Variants in CSMD1 observed in about 807,000 individuals in gnomAD.
CSMD1 encodes the protein CUB and sushi domain-containing protein 1.
Under a neutral mutation model 417.5 loss-of-function variants are expected in CSMD1, and 213 were observed. That is an observed-to-expected ratio of 0.51 (90% confidence interval 0.46 to 0.57). The LOEUF (loss-of-function observed/expected upper bound fraction) is 0.57. CSMD1 is among the 20% of genes least tolerant of loss of function. The pLI, the probability that CSMD1 is intolerant of heterozygous loss-of-function variation, is 0.00. For missense variants in CSMD1, 6,923 were observed against 4,529.7 expected (o/e 1.53, Z -15.17); for synonymous variants, 2,862 against 1,736.8 (o/e 1.65, Z -16.11).
intron 3 of CSMD1, among the ~76,000 whole-genome samples, chr8:4,046,040 G>A (rs1375950517): frequency 6.6e-6 from 1 of 152,040 alleles, no homozygotes; most frequent in Non-Finnish European, 1.5e-5. Flanking sequence ...TAGGACTCAT[G>A]CAGATTAGAT....
At chr8:3,980,141 T>G (rs1307276775) in intron 5 of CSMD1, among the ~76,000 whole-genome samples, 1 of 152,232 alleles carries the variant, frequency 6.6e-6, no homozygotes, top group Non-Finnish European at 1.5e-5. Flanking sequence ...TATAGTGCTG[T>G]ACGGTTTATA....
chr8:4,339,980 C>T (rs538224198), intron 3 of CSMD1, among the ~76,000 whole-genome samples: 17 of 152,148 alleles, frequency 1.1e-4, no homozygotes, highest in South Asian at 6.2e-4. Flanking sequence ...GCGGTGATAG[C>T]AACACTGCAG....
At chr8:4,877,798 C>G (rs763893253) in intron 1 of CSMD1, among the ~76,000 whole-genome samples, 24 of 152,100 alleles carry the variant, frequency 1.6e-4, no homozygotes, top group Non-Finnish European at 1.2e-4. Context: ...GATTTGGTGA[C>G]TCAAATCTTT....
intron 5 of CSMD1, among the ~76,000 whole-genome samples, chr8:3,830,243 A>G (rs1229714920): frequency 6.6e-6 from 1 of 152,210 alleles, no homozygotes; most frequent in African/African-American, 2.4e-5. Context: ...GTGATCATAC[A>G]TGATAGAGCA....
intron 5 of CSMD1, among the ~76,000 whole-genome samples, chr8:3,983,323 G>C (rs564041776): frequency 1.3e-5 from 2 of 151,840 alleles, no homozygotes; most frequent in South Asian, 4.2e-4. Context: ...GTAGAGATGG[G>C]GTTTCACCGT....
At chr8:3,505,464 G>T (rs989066647) in intron 10 of CSMD1, among the ~76,000 whole-genome samples, 3 of 152,178 alleles carry the variant, frequency 2.0e-5, no homozygotes, top group African/African-American at 4.8e-5. Context: ...TTTCACGACT[G>T]ATTAAAGAGT....
chr8:3,137,748 T>C (rs546911189), intron 41 of CSMD1, among the ~76,000 whole-genome samples: 12 of 152,092 alleles, frequency 7.9e-5, no homozygotes, highest in African/African-American at 2.9e-4. Flanking sequence ...AGAAAAAGAG[T>C]CTGTGCATGT....
At chr8:4,006,336 C>T (rs775902390) in intron 4 of CSMD1, among the ~76,000 whole-genome samples, 4 of 152,104 alleles carry the variant, frequency 2.6e-5, no homozygotes, top group Non-Finnish European at 4.4e-5. Context: ...CTGAGGTCAG[C>T]AGTTTGAGGC....
chr8:3,707,510 A>G (rs1801238885), intron 7 of CSMD1, among the ~76,000 whole-genome samples: 1 of 152,234 alleles, frequency 6.6e-6, no homozygotes, highest in African/African-American at 2.4e-5. Context: ...CGTGAGCAGA[A>G]AACGGCCCCT....
At chr8:4,561,694 A>AG (rs1417829437) in intron 2 of CSMD1, among the ~76,000 whole-genome samples, 2 of 152,224 alleles carry the variant, frequency 1.3e-5, no homozygotes, top group East Asian at 3.9e-4. Flanking sequence ...GAAGAAAAAA[A>AG]GAGAGACAGA....
At chr8:4,006,045 A>T (rs1816083297) in intron 4 of CSMD1, among the ~76,000 whole-genome samples, 1 of 152,198 alleles carries the variant, frequency 6.6e-6, no homozygotes, top group African/African-American at 2.4e-5. Context: ...GAAAAAAAGG[A>T]ACTATTCAAG....
intron 5 of CSMD1, among the ~76,000 whole-genome samples, chr8:3,875,576 A>G (rs917737387): frequency 2.6e-5 from 4 of 152,148 alleles, no homozygotes; most frequent in African/African-American, 9.7e-5. Flanking sequence ...GGAATGTTTT[A>G]TTGGAGAGGA....
At chr8:4,361,543 A>T (rs937850507) in intron 3 of CSMD1, among the ~76,000 whole-genome samples, 1 of 152,184 alleles carries the variant, frequency 6.6e-6, no homozygotes, top group African/African-American at 2.4e-5. Flanking sequence ...CGGTCCTACA[A>T]AGTTAAAAAG....
chr8:4,429,922 G>T (rs889923068), intron 2 of CSMD1, among the ~76,000 whole-genome samples: 14 of 152,022 alleles, frequency 9.2e-5, no homozygotes, highest in African/African-American at 3.4e-4. Flanking sequence ...TTCAATCAGT[G>T]GTCACCCATC....
At chr8:3,978,907 G>A (rs1251616019) in intron 5 of CSMD1, among the ~76,000 whole-genome samples, 2 of 152,176 alleles carry the variant, frequency 1.3e-5, no homozygotes, top group Admixed American at 6.5e-5. Flanking sequence ...GAGAAGACAA[G>A]GAATTAGCGT....
At chr8:3,017,589 T>A (rs1019165340) in intron 52 of CSMD1, among the ~76,000 whole-genome samples, 1 of 152,116 alleles carries the variant, frequency 6.6e-6, no homozygotes, top group African/African-American at 2.4e-5. Flanking sequence ...AAGTAGATAA[T>A]GTTTCACAGA....
At chr8:3,876,086 C>T (rs1442761739) in intron 5 of CSMD1, among the ~76,000 whole-genome samples, 1 of 151,892 alleles carries the variant, frequency 6.6e-6, no homozygotes. Flanking sequence ...GTTGTCTTTT[C>T]TATATATTTG....
intron 2 of CSMD1, among the ~76,000 whole-genome samples, chr8:4,606,853 T>TA (rs1156788009): frequency 6.6e-6 from 1 of 152,214 alleles, no homozygotes; most frequent in Non-Finnish European, 1.5e-5. Flanking sequence ...ACATTTTAAT[T>TA]AAAGTGAAAT....
At chr8:4,509,201 A>G (rs2130331380) in intron 2 of CSMD1, among the ~76,000 whole-genome samples, 1 of 152,336 alleles carries the variant, frequency 6.6e-6, no homozygotes, top group East Asian at 1.9e-4. Context: ...TCCAAACATT[A>G]TAAATTTGCA....
Sources: allele counts gnomAD v4.1 joint callset (sites outside exome capture counted in the v4.1 genomes callset), GRCh38; gene constraint gnomAD v4.1.1; transcripts MANE v1.5; gene names NCBI Gene and HGNC (gene_info 2026-07-23, HGNC 2026-07-21).